Variants in BMPR2 observed in about 807,000 individuals in gnomAD.
The protein encoded by BMPR2 is bone morphogenetic protein receptor type 2.
In BMPR2, 29 loss-of-function variants were observed where a neutral mutation model predicts 100.8. The ratio of observed to expected loss-of-function variants is 0.29; its 90% CI spans 0.21 to 0.39. The LOEUF (loss-of-function observed/expected upper bound fraction) is 0.39, where lower values mean the gene tolerates loss of function less well. Ranked by LOEUF, BMPR2 falls within the 10% of genes least tolerant of loss-of-function variation. The pLI, the probability that BMPR2 is intolerant of heterozygous loss-of-function variation, is 1.00. For synonymous variants in BMPR2, 382 were observed against 442.3 expected (o/e 0.86, Z 1.71); for missense variants, 1,011 against 1,274.5 (o/e 0.79, Z 3.15).
At position 202,543,247 on chromosome 2, in the gene BMPR2, T is replaced by C. The variant is rs1268773113; in HGVS notation, c.1413+800T>C. On this transcript the variant is annotated intron_variant, in intron 10 of 12. Transcript: ENST00000374580. ...TTATATATATATTTATATACATATATATTTATATACATATATTTATATATA... is the reference window on the plus strand; with the variant it reads ...TTATATATATATTTATATACATATACATTTATATACATATATTTATATATA... 2.0e-5 allele frequency among the ~76,000 whole-genome samples: 3 copies of C among 147,400 alleles called. No individual in the cohort carries two copies. The East Asian group carries it at 5.8e-4, about 29-fold the overall frequency.
chr2:202,534,994 G>GGCCGGGCAGGTGGCTGACCCCC (rs1297426928), intron 9 of BMPR2, among the ~76,000 whole-genome samples: 1 of 14,244 alleles, frequency 7.0e-5, no homozygotes, highest in Non-Finnish European at 1.7e-4. Flanking sequence ...CTGACCCCCT[G>GGCCGGGCAGGTGGCTGACCCCC]CCACCTCCCT....
At chr2:202,540,954 T>G (rs1011375767) in intron 9 of BMPR2, among the ~76,000 whole-genome samples, 1 of 152,186 alleles carries the variant, frequency 6.6e-6, no homozygotes, top group Non-Finnish European at 1.5e-5. Flanking sequence ...TCATTGAGTG[T>G]TGGTCCCAGG....
chr2:202,413,355 A>G (rs1285582474), intron 1 of BMPR2, among the ~76,000 whole-genome samples: 1 of 152,236 alleles, frequency 6.6e-6, no homozygotes, highest in South Asian at 2.1e-4. Flanking sequence ...TGAGTTATAC[A>G]GGCATGAATT....
chr2:202,488,250 A>C (rs1319359147), intron 3 of BMPR2, among the ~76,000 whole-genome samples: 1 of 152,162 alleles, frequency 6.6e-6, no homozygotes, highest in Admixed American at 6.6e-5. Flanking sequence ...GGTAGATTGG[A>C]ATATTGTAAT....
intron 3 of BMPR2, among the ~76,000 whole-genome samples, chr2:202,506,305 C>A (rs1687519449): frequency 6.6e-6 from 1 of 152,038 alleles, no homozygotes; most frequent in Admixed American, 6.6e-5. Context: ...TACAGGCACA[C>A]ACCACCAAGC....
At chr2:202,408,550 T>C (rs1193849167) in intron 1 of BMPR2, among the ~76,000 whole-genome samples, 1 of 152,198 alleles carries the variant, frequency 6.6e-6, no homozygotes, top group Non-Finnish European at 1.5e-5. Context: ...AAAGCACTTA[T>C]TTGGTTAGAT....
At chr2:202,537,255 C>T (rs1688178158) in intron 9 of BMPR2, among the ~76,000 whole-genome samples, 1 of 152,140 alleles carries the variant, frequency 6.6e-6, no homozygotes, top group South Asian at 2.1e-4. Context: ...TGTTAATAGT[C>T]TCATGTAGGA....
chr2:202,386,420 C>G (rs1417547224), intron 1 of BMPR2, among the ~76,000 whole-genome samples: 1 of 152,130 alleles, frequency 6.6e-6, no homozygotes, highest in East Asian at 1.9e-4. Context: ...GTTGTTCAGG[C>G]CCCAAATTAG....
intron 3 of BMPR2, among the ~76,000 whole-genome samples, chr2:202,482,737 C>T (rs6720579): frequency 0.14 from 21,993 of 152,056 alleles, 1,703 homozygotes; most frequent in South Asian, 0.25. Context: ...GACAGGGTAT[C>T]ACCATGTTAG....
chr2:202,552,990 G>C, intron 11 of BMPR2, 102 bp downstream of exon 11: 1 of 1,362,936 alleles, frequency 7.3e-7, no homozygotes, highest in Non-Finnish European at 1.0e-6. Flanking sequence ...ATAGTTCAAT[G>C]ATTACCTCAT....
At chr2:202,474,352 A>T (rs1439963431) in intron 3 of BMPR2, among the ~76,000 whole-genome samples, 1 of 150,602 alleles carries the variant, frequency 6.6e-6, no homozygotes, top group Non-Finnish European at 1.5e-5. Flanking sequence ...GCTACTCAGG[A>T]GGCTGAGGCA....
At chr2:202,413,799 G>C (rs951714122) in intron 1 of BMPR2, among the ~76,000 whole-genome samples, 2 of 151,772 alleles carry the variant, frequency 1.3e-5, no homozygotes, top group African/African-American at 4.8e-5. Flanking sequence ...TGAATAGCTG[G>C]GACCACAGGC....
At position 202,556,137 on chromosome 2, in the gene BMPR2, A is replaced by G. The variant is rs998357839; in HGVS notation, c.2472A>G (p.Gln824=). ...TTAACTCCCATGCTGCCACAACCCAATATGCCAATGGGACAGTACTATCTG... is the reference window on the plus strand; with the variant it reads ...TTAACTCCCATGCTGCCACAACCCAGTATGCCAATGGGACAGTACTATCTG... ...HSVNSHAATT[Q]YANGTVLSGQ... The change falls in exon 12 of 13, where the codon CAA becomes CAG. Residue 824 remains glutamine, a synonymous_variant. Coordinates refer to ENST00000374580, the MANE Select transcript of BMPR2 (RefSeq NM_001204.7). The G allele has an allele frequency of 4.3e-6, 7 of 1,613,974 alleles. No homozygotes were observed. Among genetic ancestry groups the G allele is most frequent in the African/African-American group, 4.0e-5 (3 of 74,944 alleles).
chr2:202,470,681 G>A (rs1036694318), intron 3 of BMPR2, among the ~76,000 whole-genome samples: 1 of 150,330 alleles, frequency 6.7e-6, no homozygotes, highest in African/African-American at 2.4e-5. Context: ...GGAGAATGGC[G>A]TGAACCCGGG....
At chr2:202,441,395 C>G (rs1691736801) in intron 1 of BMPR2, among the ~76,000 whole-genome samples, 1 of 150,274 alleles carries the variant, frequency 6.7e-6, no homozygotes, top group African/African-American at 2.5e-5. Context: ...TGAATTGTCA[C>G]TAATTTACTT....
intron 1 of BMPR2, among the ~76,000 whole-genome samples, chr2:202,377,845 A>G (rs1330410338): frequency 1.3e-5 from 2 of 152,268 alleles, no homozygotes; most frequent in Non-Finnish European, 2.9e-5. Flanking sequence ...AGGTAATGCA[A>G]CGATTAAAAA....
At position 202,495,761 on chromosome 2, in the gene BMPR2, T is replaced by A. The variant is rs1000619170; in HGVS notation, c.419-17958T>A. On this transcript the variant is annotated intron_variant, in intron 3 of 12. Coordinates refer to ENST00000374580, the MANE Select transcript of BMPR2 (RefSeq NM_001204.7). The surrounding 1 kb of genome is among the most constrained non-coding windows in gnomAD (Gnocchi z 4.5). ...TGTTTAAAATGTTTTAAAACTTTTT[T>A]CATTCTCTCCAATATATGAATTAAT... Among the ~76,000 whole-genome samples, 1 of 152,248 alleles carries A rather than the reference T, an allele frequency of 6.6e-6. No homozygotes were observed. The highest frequency in any genetic ancestry group is 2.4e-5 in the African/African-American group (1 of 41,480).
intron 5 of BMPR2, among the ~76,000 whole-genome samples, chr2:202,515,289 G>T (rs916219647): frequency 1.3e-5 from 2 of 151,888 alleles, no homozygotes; most frequent in African/African-American, 4.8e-5. Flanking sequence ...AAGAAAATAT[G>T]GGCCAGGCGC....
intron 3 of BMPR2, among the ~76,000 whole-genome samples, chr2:202,513,128 C>T (rs1687654146): frequency 6.6e-6 from 1 of 151,732 alleles, no homozygotes; most frequent in South Asian, 2.1e-4. Flanking sequence ...CCATGCCTGA[C>T]TAATTTTTTT....
Sources: gnomAD v4.1 joint callset for allele counts (sites outside exome capture counted in the v4.1 genomes callset) on GRCh38, gnomAD v4.1.1 for gene constraint, Gnocchi (gnomAD v3.1) non-coding constraint, MANE v1.5 for transcripts, NCBI Gene and HGNC (gene_info 2026-07-23, HGNC 2026-07-21) for gene names.